UNC13C: variants seen among roughly 807,000 people sequenced by gnomAD.
The protein encoded by UNC13C is protein unc-13 homolog C.
UNC13C carries 174 observed loss-of-function variants against 245.4 expected under a neutral mutation model. That is an observed-to-expected ratio of 0.71 (90% CI 0.63 to 0.80). The LOEUF (loss-of-function observed/expected upper bound fraction) is 0.80. Among genes scored for constraint, UNC13C ranks in the 30% least tolerant of loss-of-function variants. UNC13C has a pLI of 0.00. For synonymous variants in UNC13C, 992 were observed against 895.1 expected (o/e 1.11, Z -1.93); for missense variants, 2,829 against 2,602.9 (o/e 1.09, Z -1.89).
At chr15:54,091,279 C>T (rs889611133) in intron 2 of UNC13C, among the ~76,000 whole-genome samples, 1 of 152,200 alleles carries the variant, frequency 6.6e-6, no homozygotes, top group Non-Finnish European at 1.5e-5. Context: ...CTCTGTTTAA[C>T]TTGTGCTGTT....
At chr15:54,188,531 C>G (rs571804912) in intron 4 of UNC13C, among the ~76,000 whole-genome samples, 2 of 152,254 alleles carry the variant, frequency 1.3e-5, no homozygotes, top group South Asian at 2.1e-4. Context: ...CGCTGCTAAA[C>G]AGTTTTCAAA....
the UNC13C span, among the ~76,000 whole-genome samples, chr15:53,893,699 C>A: frequency 6.6e-6 from 1 of 151,922 alleles, no homozygotes; most frequent in African/African-American, 2.4e-5. Flanking sequence ...TGTCCCTCCC[C>A]CCACCAAGCT....
chr15:53,931,575 C>G, the UNC13C span, among the ~76,000 whole-genome samples: 1 of 151,896 alleles, frequency 6.6e-6, no homozygotes, highest in African/African-American at 2.4e-5. Flanking sequence ...TGTATGCTTT[C>G]CACTTTCCTG....
chr15:54,188,066 C>T (rs1181995011), intron 4 of UNC13C, among the ~76,000 whole-genome samples: 4 of 152,156 alleles, frequency 2.6e-5, no homozygotes, highest in Non-Finnish European at 4.4e-5. Context: ...GAACCACCCA[C>T]TTTGGCCTCC....
At chr15:54,175,264 G>T (rs1469716777) in intron 4 of UNC13C, among the ~76,000 whole-genome samples, 1 of 152,006 alleles carries the variant, frequency 6.6e-6, no homozygotes, top group Non-Finnish European at 1.5e-5. Flanking sequence ...TTAATACCCA[G>T]ACCGATGTTT....
intron 24 of UNC13C, among the ~76,000 whole-genome samples, chr15:54,514,716 C>G (rs1035787273): frequency 6.6e-6 from 1 of 152,160 alleles, no homozygotes; most frequent in African/African-American, 2.4e-5. Flanking sequence ...TTCACAGAAT[C>G]AGCCTCTTTT....
the UNC13C span, among the ~76,000 whole-genome samples, chr15:53,928,334 A>T: frequency 2.0e-5 from 3 of 152,246 alleles, no homozygotes; most frequent in Non-Finnish European, 4.4e-5. Context: ...TAACTGCAGC[A>T]GGAACAGGCC....
chr15:54,385,084 A>G (rs1451595189), intron 17 of UNC13C, among the ~76,000 whole-genome samples: 1 of 152,188 alleles, frequency 6.6e-6, no homozygotes, highest in East Asian at 1.9e-4. Flanking sequence ...TAGTACAACT[A>G]CTATGGAAAA....
chr15:54,320,720 G>T, intron 13 of UNC13C: 1 of 378,902 alleles, frequency 2.6e-6, no homozygotes, highest in Non-Finnish European at 5.1e-6. Context: ...TTTCCTGGCA[G>T]TAATTAAGAT....
chr15:54,355,479 C>T (rs949578681), intron 17 of UNC13C, among the ~76,000 whole-genome samples: 1 of 152,056 alleles, frequency 6.6e-6, no homozygotes, highest in Non-Finnish European at 1.5e-5. Flanking sequence ...GCCTCAGCCT[C>T]TCTAGAAGCT....
intron 1 of UNC13C, among the ~76,000 whole-genome samples, chr15:53,994,983 GT>G (rs1401152272): frequency 2.0e-5 from 3 of 152,004 alleles, no homozygotes; most frequent in Non-Finnish European, 4.4e-5. Context: ...TTAGAGATGT[GT>G]GACAAAAAGA....
the UNC13C span, among the ~76,000 whole-genome samples, chr15:53,866,952 ATGG>A: frequency 6.6e-6 from 1 of 152,246 alleles, no homozygotes; most frequent in African/African-American, 2.4e-5. Flanking sequence ...ACATTTGGAA[ATGG>A]TTTCAGGTTG....
chr15:54,578,292 C>A (rs79923376), intron 30 of UNC13C, among the ~76,000 whole-genome samples: 1,920 of 152,118 alleles, frequency 0.013, 37 homozygotes, highest in African/African-American at 0.043. Flanking sequence ...AGGTGTACTT[C>A]TAGTGTTTCT....
At chr15:54,000,868 C>A (rs1322080983) in intron 1 of UNC13C, among the ~76,000 whole-genome samples, 1 of 152,072 alleles carries the variant, frequency 6.6e-6, no homozygotes, top group Non-Finnish European at 1.5e-5. Context: ...TTCCTAGTTT[C>A]TTGTTATACG....
intron 10 of UNC13C, among the ~76,000 whole-genome samples, 196 bp from the exon 11 acceptor site, chr15:54,293,699 A>G (rs1187655338): frequency 2.6e-5 from 4 of 152,006 alleles, no homozygotes; most frequent in Admixed American, 6.6e-5. Flanking sequence ...ATTTTCCCTT[A>G]TTAACATTAT....
chr15:54,326,315 C>CA lies in UNC13C; in HGVS notation c.4425+4226dup, dbSNP rs1271898186. 1.3e-5 allele frequency among the ~76,000 whole-genome samples: 2 copies of CA among 151,908 alleles called. 1 individual carries two copies. The highest frequency in any genetic ancestry group is 4.2e-4 in the South Asian group (2 of 4,816). On this transcript the variant is annotated intron_variant, in intron 14 of 32. Transcript: ENST00000260323. ...TTTGGATAAGCTACTGAGGGGAATA[C>CA]AAAAAAGAATGTTTCAGGGACATGT... is the stretch of plus-strand genomic sequence containing the variant.
chr15:54,455,171 C>CTCTCTCTCTCTG (rs1567288742), intron 19 of UNC13C, among the ~76,000 whole-genome samples: 1 of 25,552 alleles, frequency 3.9e-5, no homozygotes, highest in East Asian at 2.2e-3. Flanking sequence ...ATTCCTCTCT[C>CTCTCTCTCTCTG]TCTCTCTCTC....
At chr15:54,417,988 A>G (rs752109000) in intron 19 of UNC13C, among the ~76,000 whole-genome samples, 7 of 152,164 alleles carry the variant, frequency 4.6e-5, no homozygotes, top group Admixed American at 2.6e-4. Context: ...CAGTGGTGTG[A>G]TGTTGGCTCA....
intron 2 of UNC13C, among the ~76,000 whole-genome samples, chr15:54,036,538 C>T (rs1896584659): frequency 6.6e-6 from 1 of 152,130 alleles, no homozygotes; most frequent in Non-Finnish European, 1.5e-5. Context: ...TTCCAATGTG[C>T]CAGTAATATA....
Sources: allele counts gnomAD v4.1 joint callset (sites outside exome capture counted in the v4.1 genomes callset), GRCh38; gene constraint gnomAD v4.1.1; transcripts MANE v1.5; gene names NCBI Gene and HGNC (gene_info 2026-07-23, HGNC 2026-07-21).